ESRP1: variants seen among roughly 807,000 people sequenced by gnomAD.
ESRP1 encodes RNA-binding motif protein 35A.
ESRP1 carries 33 observed loss-of-function variants against 81.7 expected under a neutral mutation model. That is an observed-to-expected ratio of 0.40 (90% CI 0.31 to 0.54). The LOEUF is 0.54. Among genes scored for constraint, ESRP1 ranks in the 20% least tolerant of loss-of-function variants. The probability of loss-of-function intolerance (pLI) is 0.41; values close to 1 mark genes in which losing one functional copy is unlikely to be tolerated. For missense variants in ESRP1, 672 were observed against 833.1 expected, an observed-to-expected ratio of 0.81 and a Z score of 2.38; for synonymous variants, 320 against 303.3, an observed-to-expected ratio of 1.06 and a Z score of -0.57.
chr8:94,666,617 T>C (rs567197334), intron 9 of ESRP1, among the ~76,000 whole-genome samples: 43 of 152,328 alleles, frequency 2.8e-4, no homozygotes, highest in African/African-American at 1.0e-3. Flanking sequence ...ATTTTGCAGC[T>C]ATAGAACTTA....
intron 15 of ESRP1, among the ~76,000 whole-genome samples, chr8:94,703,622 G>A (rs1248464294): frequency 6.6e-6 from 1 of 152,186 alleles, no homozygotes; most frequent in Non-Finnish European, 1.5e-5. Flanking sequence ...TAGGAATGAA[G>A]AAGTTGGTAC....
intron 6 of ESRP1, 39 bp downstream of exon 6, chr8:94,662,594 T>TG: frequency 7.0e-7 from 1 of 1,423,580 alleles, no homozygotes; most frequent in Middle Eastern, 1.9e-4. Flanking sequence ...CTTTTTAACT[T>TG]GTTTTTTTTT....
chr8:94,689,910 A>C (rs1310750571), intron 13 of ESRP1, among the ~76,000 whole-genome samples: 1 of 145,570 alleles, frequency 6.9e-6, no homozygotes, highest in Non-Finnish European at 1.5e-5. Context: ...TCCATCTCCC[A>C]GGTTCATGCC....
At chr8:94,681,261 G>T (rs1283387622) in intron 13 of ESRP1, among the ~76,000 whole-genome samples, 1 of 139,630 alleles carries the variant, frequency 7.2e-6, no homozygotes, top group Non-Finnish European at 1.5e-5. Context: ...GGGAGAAGGA[G>T]CTTGCAGTGA....
chr8:94,703,112 T>TTTG (rs1261146706), intron 15 of ESRP1, among the ~76,000 whole-genome samples: 26 of 150,754 alleles, frequency 1.7e-4, no homozygotes, highest in Non-Finnish European at 3.5e-4. Flanking sequence ...TTGATTGTTT[T>TTTG]TTTTTTTTTT....
At position 94,678,209 on chromosome 8, in the gene ESRP1, C is replaced by G. The variant is rs202043210; in HGVS notation, c.1658C>G (p.Ser553Cys). Residue 553 changes from serine to cysteine, a missense_variant, in exon 13 of 16, where the codon TCT becomes TGT. Coordinates refer to ENST00000433389, the MANE Select transcript of ESRP1 (RefSeq NM_017697.4). ...SPPPCKLPCL[S>C]PPSYTFPAPA... ...TCTCTCTTTGCATATCTAGGCCTGT[C>G]TCCTCCCTCCTACACATTTCCAGCT... 6.2e-7 allele frequency: 1 copy of G among 1,613,842 alleles called. No homozygotes were observed. Among genetic ancestry groups the G allele is most frequent in the Admixed American group, 1.7e-5 (1 of 60,004 alleles).
intron 13 of ESRP1, among the ~76,000 whole-genome samples, chr8:94,678,764 A>G (rs1466784708): frequency 6.6e-6 from 1 of 152,268 alleles, no homozygotes; most frequent in East Asian, 1.9e-4. Flanking sequence ...CACAGTGAAT[A>G]AAAACTGTTG....
At chr8:94,705,762 G>A in intron 15 of ESRP1, 163 bp from the exon 16 acceptor site, 1 of 646,040 alleles carries the variant, frequency 1.5e-6, no homozygotes. Context: ...CCCTTGCCAT[G>A]TAAATGCCAA....
intron 13 of ESRP1, 133 bp from the exon 14 acceptor site, chr8:94,692,544 A>C (rs1809444541): frequency 1.1e-6 from 1 of 932,552 alleles, no homozygotes; most frequent in Non-Finnish European, 1.6e-6. Context: ...CACCTGTCTT[A>C]GGAAAGACAG....
At chr8:94,680,174 T>C (rs1586229521) in intron 13 of ESRP1, among the ~76,000 whole-genome samples, 1 of 152,164 alleles carries the variant, frequency 6.6e-6, no homozygotes, top group East Asian at 1.9e-4. Context: ...CATGCTTGTA[T>C]TTCTGTAAGA....
At position 94,700,757 on chromosome 8, in the gene ESRP1, G is replaced by A. The variant is rs376178707; in HGVS notation, c.*35+3796G>A. On this transcript the variant is annotated intron_variant, in intron 15 of 15. Transcript: ENST00000433389. ...GTCCTGGCTAACACGGTGAAACCCC[G>A]TCTCTACTAAAAATACAAAAAATCA... Among the ~76,000 whole-genome samples the A allele has an allele frequency of 4.8e-4, 73 of 151,960 alleles. No individual in the cohort carries two copies. In the South Asian group the frequency reaches 9.2e-3, roughly 19 times the overall value.
intron 11 of ESRP1, among the ~76,000 whole-genome samples, chr8:94,674,077 T>G (rs1290343340): frequency 6.6e-6 from 1 of 152,186 alleles, no homozygotes; most frequent in Middle Eastern, 3.2e-3. Context: ...TGAAAAAGGC[T>G]CATTTTCAGC....
At chr8:94,651,518 C>G (rs1446853158) in intron 4 of ESRP1, among the ~76,000 whole-genome samples, 1 of 152,082 alleles carries the variant, frequency 6.6e-6, no homozygotes, top group Non-Finnish European at 1.5e-5. Context: ...TCTACCGAGC[C>G]AAACTTTAAT....
intron 4 of ESRP1, among the ~76,000 whole-genome samples, chr8:94,651,693 T>C (rs1818139094): frequency 6.6e-6 from 1 of 152,120 alleles, no homozygotes; most frequent in Non-Finnish European, 1.5e-5. Flanking sequence ...CTTGGCTCAC[T>C]GCAACTTCCA....
chr8:94,642,222 C>A (rs2130519103), intron 2 of ESRP1, 138 bp downstream of exon 2: 3 of 1,073,348 alleles, frequency 2.8e-6, no homozygotes, highest in Non-Finnish European at 3.9e-6. Context: ...GGGAGCCCAG[C>A]CTGAGGGCCG....
chr8:94,655,644 C>G (rs1295737469), intron 4 of ESRP1, among the ~76,000 whole-genome samples: 2 of 152,020 alleles, frequency 1.3e-5, no homozygotes, highest in African/African-American at 4.8e-5. Flanking sequence ...GTAATCCCAG[C>G]ATTTTGGGAG....
Position 94,673,037 on chromosome 8 carries a change from CAG to C in ESRP1, c.1453-1269_1453-1268del, listed in dbSNP as rs529573339. Among the ~76,000 whole-genome samples, 13 of 152,308 alleles carry C rather than the reference CAG, an allele frequency of 8.5e-5. No homozygotes were observed. In the South Asian group the frequency reaches 2.7e-3, roughly 32 times the overall value. The stretch of plus-strand genomic sequence containing the variant: ...GCCTGTACCATTGGATACAAGGAAT[CAG>C]AAACCATCCTGAGCCCTTGCCTTCT... On this transcript the variant is annotated intron_variant, in intron 11 of 15. Coordinates refer to ENST00000433389, the MANE Select transcript of ESRP1 (RefSeq NM_017697.4).
intron 4 of ESRP1, among the ~76,000 whole-genome samples, chr8:94,649,961 A>G (rs1229487775): frequency 6.6e-6 from 1 of 152,092 alleles, no homozygotes; most frequent in Non-Finnish European, 1.5e-5. Flanking sequence ...CAGAAAGTAT[A>G]TTGTTCCTAT....
At chr8:94,651,294 G>A (rs111519457) in intron 4 of ESRP1, among the ~76,000 whole-genome samples, 5 of 140,684 alleles carry the variant, frequency 3.6e-5, no homozygotes, top group African/African-American at 1.4e-4. Flanking sequence ...AGGCTGGAGT[G>A]CATTGGTGCT....
Sources: allele counts gnomAD v4.1 joint callset (sites outside exome capture counted in the v4.1 genomes callset), GRCh38; gene constraint gnomAD v4.1.1; transcripts MANE v1.5; gene names NCBI Gene and HGNC (gene_info 2026-07-23, HGNC 2026-07-21).